Variants in PAX2 observed in about 807,000 individuals in gnomAD.
PAX2 encodes paired box protein Pax-2.
In PAX2, 9 loss-of-function variants were observed where a neutral mutation model predicts 41.7. The ratio of observed to expected loss-of-function variants is 0.22; its 90% CI spans 0.13 to 0.38. The LOEUF (loss-of-function observed/expected upper bound fraction) is 0.38. Ranked by LOEUF, PAX2 falls within the 10% of genes least tolerant of loss-of-function variation. PAX2 has a pLI of 1.00. For missense variants in PAX2, 418 were observed against 531.6 expected (o/e 0.79, Z 2.10); for synonymous variants, 221 against 212.7 (o/e 1.04, Z -0.34).
rs1454668545 is a variant in PAX2 at position 100,749,845 on chromosome 10, G to A, written c.143G>A (p.Gly48Asp). Residue 48 changes from glycine to aspartate, a missense_variant, in exon 2 of 10, where the codon GGT becomes GAT. Transcript: ENST00000355243. ...CGCATCGTGGAGCTGGCCCACCAGG[G>A]TGTGCGGCCCTGTGACATCTCCCGG... is the stretch of plus-strand genomic sequence containing the variant. ...RQRIVELAHQ[G>D]VRPCDISRQL... is the part of the protein sequence containing the mutation. The A allele has an allele frequency of 6.2e-7, 1 of 1,612,300 alleles. No homozygotes were observed. Among genetic ancestry groups the A allele is most frequent in the Non-Finnish European group, 8.5e-7 (1 of 1,179,378 alleles).
At chr10:100,802,222 A>G (rs753577545) in intron 5 of PAX2, among the ~76,000 whole-genome samples, 1 of 152,176 alleles carries the variant, frequency 6.6e-6, no homozygotes, top group Non-Finnish European at 1.5e-5. Context: ...GGAAATCAGA[A>G]TTCCTCCTGA....
chr10:100,748,692 T>C lies in PAX2; in HGVS notation c.44-1054T>C. Reference sequence around the variant, plus strand: ...GCCTGGCACCCAGTGGCCGCCTCGGTTCCGAGATCGGGAGCCCGCGCTGGA... The same window carrying C: ...GCCTGGCACCCAGTGGCCGCCTCGGCTCCGAGATCGGGAGCCCGCGCTGGA... On this transcript the variant is annotated intron_variant, in intron 1 of 9. Transcript: ENST00000355243. The surrounding 1 kb of genome is among the most constrained non-coding windows in gnomAD (Gnocchi z 5.0). 3.0e-6 allele frequency: 3 copies of C among 985,400 alleles called. No individual in the cohort carries two copies. The highest frequency in any genetic ancestry group is 3.6e-6 in the Non-Finnish European group (3 of 829,920). 61.0% of individuals were successfully genotyped at this position (985,400 alleles called of 1,614,324 possible).
At chr10:100,809,016 G>T (rs1376644501) in intron 6 of PAX2, 94 bp from the exon 7 acceptor site, 5 of 1,176,540 alleles carry the variant, frequency 4.2e-6, no homozygotes, top group East Asian at 2.4e-5. Context: ...CCCCATCTGG[G>T]CGGGCTCCCC....
At chr10:100,773,617 AG>A (rs1044323627) in intron 3 of PAX2, among the ~76,000 whole-genome samples, 2 of 152,200 alleles carry the variant, frequency 1.3e-5, no homozygotes, top group Non-Finnish European at 2.9e-5. Flanking sequence ...ATTTGTAAAA[AG>A]TTCCCGGTCT....
chr10:100,814,124 G>T (rs922675366), intron 7 of PAX2, among the ~76,000 whole-genome samples: 1 of 151,652 alleles, frequency 6.6e-6, no homozygotes, highest in Non-Finnish European at 1.5e-5. Flanking sequence ...CGAGGCAGGC[G>T]GATCACGAGG....
intron 3 of PAX2, among the ~76,000 whole-genome samples, chr10:100,768,377 T>C (rs922755394): frequency 2.0e-5 from 3 of 152,170 alleles, no homozygotes; most frequent in Non-Finnish European, 4.4e-5. Flanking sequence ...GGAAACTAGA[T>C]AGATGAAAAT....
In PAX2 at chr10:100,824,976, C is replaced by A. The variant is rs200798257; in HGVS notation, c.1021+227C>A. ...GCTTGCAGAAGTGCCCCCTTGTGTG[C>A]AACCCACTGTATGTCATGGCCCCTC... On this transcript the variant is annotated intron_variant, in intron 8 of 9. Transcript: ENST00000355243. The surrounding 1 kb of genome is among the most constrained non-coding windows in gnomAD (Gnocchi z 6.6). The A allele has an allele frequency of 1.2e-6, 2 of 1,613,792 alleles. No individual in the cohort carries two copies. The highest frequency in any genetic ancestry group is 2.2e-5 in the East Asian group (1 of 44,866).
intron 7 of PAX2, among the ~76,000 whole-genome samples, chr10:100,812,723 C>G (rs1481187817): frequency 3.9e-5 from 6 of 152,222 alleles, no homozygotes; most frequent in Non-Finnish European, 2.9e-5. Flanking sequence ...GACAAAGGAG[C>G]ATGCAGAGAC....
rs979028286 is a variant in PAX2, at chr10:100,786,826, C to A, written c.616+5461C>A. The A allele has an allele frequency of 9.2e-6, 5 of 545,052 alleles. No individual in the cohort carries two copies. The Admixed American group carries it at 1.2e-4, about 13-fold the overall frequency. The allele number at this position is 545,052 out of a possible 1,614,324, so 33.8% of individuals were successfully genotyped here. ...GCTGTGAGGGAATTGCAGCTCAGAA[C>A]CCTTGTAGCCCTTAGAAGGGGAGTC... On this transcript the variant is annotated intron_variant, in intron 5 of 9. Coordinates refer to ENST00000355243, the MANE Select transcript of PAX2 (RefSeq NM_000278.5).
intron 5 of PAX2, among the ~76,000 whole-genome samples, chr10:100,790,085 C>T (rs1231695916): frequency 1.3e-5 from 2 of 152,200 alleles, no homozygotes; most frequent in Non-Finnish European, 2.9e-5. Flanking sequence ...ACCTTTGCTT[C>T]CCAACTAGTT....
chr10:100,790,871 G>A (rs1233202030), intron 5 of PAX2, among the ~76,000 whole-genome samples: 1 of 152,198 alleles, frequency 6.6e-6, no homozygotes, highest in Non-Finnish European at 1.5e-5. Context: ...GAGGGCTGGG[G>A]GAGGGCTGGG....
intron 1 of PAX2, chr10:100,747,903 G>C: frequency 1.0e-6 from 1 of 984,364 alleles, no homozygotes; most frequent in Non-Finnish European, 1.2e-6. Flanking sequence ...TTCCGCCGGG[G>C]GTCCGCCGAG....
intron 5 of PAX2, among the ~76,000 whole-genome samples, chr10:100,804,599 G>T (rs1444897092): frequency 6.6e-6 from 1 of 152,158 alleles, no homozygotes; most frequent in Admixed American, 6.5e-5. Flanking sequence ...GTAGGCACAG[G>T]AGAAACGGGG....
intron 3 of PAX2, among the ~76,000 whole-genome samples, chr10:100,758,582 A>G (rs996269749): frequency 2.0e-5 from 3 of 152,230 alleles, no homozygotes; most frequent in African/African-American, 7.2e-5. Context: ...ATGAGCACAA[A>G]AGACTCCCAG....
At chr10:100,744,078 C>G (rs988949365), upstream of PAX2, among the ~76,000 whole-genome samples, 2 of 152,208 alleles carry the variant, frequency 1.3e-5, no homozygotes, top group Admixed American at 6.5e-5. Context: ...TAAGGGCATC[C>G]CAAAAACCCG....
chr10:100,747,478 G>T, intron 1 of PAX2: 1 of 307,336 alleles, frequency 3.3e-6, no homozygotes, highest in Non-Finnish European at 4.7e-6. Context: ...TTTTTTTGCA[G>T]GCTTTTTTTT....
chr10:100,817,334 C>T (rs1411101905), intron 7 of PAX2, among the ~76,000 whole-genome samples: 1 of 152,220 alleles, frequency 6.6e-6, no homozygotes, highest in Non-Finnish European at 1.5e-5. Context: ...AGTTCCTTCT[C>T]AGCCCTTTGA....
Position 100,828,614 on chromosome 10 carries a change from GT to G in PAX2, c.*997del. 1 of 232,752 alleles carries G rather than the reference GT, an allele frequency of 4.3e-6. No individual in the cohort carries two copies. Among genetic ancestry groups the G allele is most frequent in the Non-Finnish European group, 8.5e-6 (1 of 118,146 alleles). The allele number at this position is 232,752 out of a possible 1,614,324, so 14.4% of individuals were successfully genotyped here. Reference sequence around the variant, plus strand: ...TGCGGACTGGGGTCTTCCTCCAGCAGTTACTTGATGCCCCCTCCCCCGACAC... The same window carrying G: ...TGCGGACTGGGGTCTTCCTCCAGCAGTACTTGATGCCCCCTCCCCCGACAC... On this transcript the variant is annotated 3_prime_UTR_variant, in exon 10 of 10. Coordinates refer to ENST00000355243, the MANE Select transcript of PAX2 (RefSeq NM_000278.5). This position sits in a 1 kb window ranked among gnomAD's most constrained non-coding sequence, Gnocchi z 6.5.
chr10:100,769,616 A>G (rs1032464247), intron 3 of PAX2, among the ~76,000 whole-genome samples: 3 of 130,884 alleles, frequency 2.3e-5, no homozygotes, highest in African/African-American at 8.7e-5. Flanking sequence ...GTGAGACTCC[A>G]TCTCAAAAAG....
Sources: gnomAD v4.1 joint callset for allele counts (sites outside exome capture counted in the v4.1 genomes callset) on GRCh38, gnomAD v4.1.1 for gene constraint, Gnocchi (gnomAD v3.1) non-coding constraint, MANE v1.5 for transcripts, NCBI Gene and HGNC (gene_info 2026-07-23, HGNC 2026-07-21) for gene names.